The following TULP3 variants were observed in gnomAD, a reference collection of about 807,000 sequenced individuals.
The protein encoded by TULP3 is TUB like protein 3.
In TULP3, 38 loss-of-function variants were observed where a neutral mutation model predicts 50.7. The observed-to-expected ratio is 0.75, with a 90% CI of 0.58 to 0.98. TULP3 has a LOEUF of 0.98. TULP3 is among the 50% of genes least tolerant of loss of function. TULP3 has a pLI of 0.00. For synonymous variants in TULP3, 183 were observed against 196.6 expected (o/e 0.93, Z 0.58); for missense variants, 550 against 568.0 (o/e 0.97, Z 0.32).
Position 2,939,857 on chromosome 12 carries a change from G to T in TULP3, c.*413G>T. 8.3e-7 allele frequency: 1 copy of T among 1,201,538 alleles called. No individual in the cohort carries two copies. Among genetic ancestry groups the T allele is most frequent in the South Asian group, 1.5e-5 (1 of 65,796 alleles). 74.4% of individuals were successfully genotyped at this position (1,201,538 alleles called of 1,614,324 possible). On this transcript the variant is annotated 3_prime_UTR_variant, in exon 11 of 11. Coordinates refer to ENST00000448120, the MANE Select transcript of TULP3 (RefSeq NM_003324.5). The surrounding 1 kb of genome is among the most constrained non-coding windows in gnomAD (Gnocchi z 4.0). ...TCCTTTTCCAGGTTTCATAGACTTG[G>T]TGAGGGATCACAGCTTAGCATGGGT...
intron 2 of TULP3, among the ~76,000 whole-genome samples, chr12:2,920,312 C>A (rs2098190906): frequency 6.6e-6 from 1 of 152,162 alleles, no homozygotes; most frequent in Middle Eastern, 3.2e-3. Flanking sequence ...GAGTTTGAGA[C>A]CAGCCTGGGC....
Position 2,931,146 on chromosome 12 carries a change from C to A in TULP3, c.602C>A (p.Thr201Lys). The change falls in exon 6 of 11, where the codon ACA becomes AAA. Residue 201 changes from threonine to lysine, a missense_variant. Physicochemically the swap from Thr to Lys is moderately conservative, Grantham distance 78. Transcript: ENST00000448120. Reference sequence around the variant, plus strand: ...TATAGTCCTGCCCCTCAAGGTGTCACAGTAAGATGTCGGATAATCCGGGAT... The same window carrying A: ...TATAGTCCTGCCCCTCAAGGTGTCAAAGTAAGATGTCGGATAATCCGGGAT... ...FVYSPAPQGV[T>K]VRCRIIRDKR... 1 of 1,614,164 alleles carries A rather than the reference C, an allele frequency of 6.2e-7. No individual in the cohort carries two copies. The highest frequency in any genetic ancestry group is 1.1e-5 in the South Asian group (1 of 91,090).
intron 8 of TULP3, among the ~76,000 whole-genome samples, chr12:2,935,336 T>C (rs1000806563): frequency 6.6e-6 from 1 of 152,254 alleles, no homozygotes; most frequent in Non-Finnish European, 1.5e-5. Flanking sequence ...CCACTAGATG[T>C]GGTTGACATT....
intron 3 of TULP3, among the ~76,000 whole-genome samples, chr12:2,921,559 C>A (rs1261926897): frequency 1.3e-5 from 2 of 152,030 alleles, no homozygotes; most frequent in African/African-American, 2.4e-5. Context: ...AGAGAGCGTC[C>A]ATTCTTCCAA....
chr12:2,893,953 A>T (rs368017605), intron 1 of TULP3, among the ~76,000 whole-genome samples: 90 of 152,080 alleles, frequency 5.9e-4, no homozygotes, highest in Middle Eastern at 6.8e-3. Context: ...CTATTTTCTT[A>T]TATCAGAAAT....
intron 1 of TULP3, among the ~76,000 whole-genome samples, chr12:2,899,461 T>C (rs2098177592): frequency 6.6e-6 from 1 of 151,866 alleles, no homozygotes; most frequent in East Asian, 1.9e-4. Context: ...TGCTAAATCA[T>C]AAAAGTATTT....
chr12:2,907,063 T>G (rs972767732), intron 1 of TULP3, among the ~76,000 whole-genome samples: 1 of 151,050 alleles, frequency 6.6e-6, no homozygotes, highest in African/African-American at 2.4e-5. Context: ...CACGGCCAGG[T>G]GCAGTGGCTC....
At chr12:2,937,994 G>T in intron 9 of TULP3, 120 bp from the exon 10 acceptor site, 1 of 1,134,304 alleles carries the variant, frequency 8.8e-7, no homozygotes. Flanking sequence ...TTCATTGTTG[G>T]CTTTCATTCT....
intron 6 of TULP3, among the ~76,000 whole-genome samples, chr12:2,932,883 C>T (rs1233021280): frequency 6.6e-6 from 1 of 151,854 alleles, no homozygotes; most frequent in East Asian, 1.9e-4. Flanking sequence ...GAGAATCAAG[C>T]TAGTGAATTT....
At position 2,939,420 on chromosome 12, in the gene TULP3, T is replaced by C; in HGVS notation, c.1305T>C (p.Phe435=). The C allele has an allele frequency of 6.2e-7, 1 of 1,614,134 alleles. No individual in the cohort carries two copies. The highest frequency in any genetic ancestry group is 8.5e-7 in the Non-Finnish European group (1 of 1,180,030). ...CCTTTGGCATCGGTCTTTCTAGCTT[T>C]GACAGTAAGCTGGCGTGTGAATGAG... The part of the protein sequence containing the change: ...VQAFGIGLSS[F]DSKLACE The change falls in exon 11 of 11, where the codon TTT becomes TTC. Residue 435 remains phenylalanine, a synonymous_variant. Transcript: ENST00000448120. The surrounding 1 kb of genome is among the most constrained non-coding windows in gnomAD (Gnocchi z 4.0).
chr12:2,937,776 A>G, intron 9 of TULP3, 47 bp downstream of exon 9: 1 of 1,343,110 alleles, frequency 7.4e-7, no homozygotes, highest in South Asian at 1.3e-5. Flanking sequence ...AAAAGACAGT[A>G]GTACAATACA....
At chr12:2,915,579 G>T (rs10848741) in intron 2 of TULP3, among the ~76,000 whole-genome samples, 33,717 of 148,418 alleles carry the variant, frequency 0.23, 3,912 homozygotes, top group East Asian at 0.36. Context: ...TCGTTCTGTC[G>T]CCAGGCTGGA....
intron 2 of TULP3, among the ~76,000 whole-genome samples, chr12:2,912,630 G>C (rs2098186289): frequency 6.6e-6 from 1 of 152,196 alleles, no homozygotes; most frequent in Non-Finnish European, 1.5e-5. Flanking sequence ...GTCTCCCGAG[G>C]ATTGGTTTGT....
chr12:2,900,585 A>T (rs771690858), intron 1 of TULP3, among the ~76,000 whole-genome samples: 188 of 142,188 alleles, frequency 1.3e-3, no homozygotes, highest in South Asian at 3.4e-3. Flanking sequence ...ACTCAAAAAC[A>T]TCTGTTTTGA....
chr12:2,931,303 T>C lies in TULP3; in HGVS notation c.696+63T>C, dbSNP rs2098197928. On this transcript the variant is annotated intron_variant, in intron 6 of 10. Transcript: ENST00000448120. ...AGAAGAATGTTGTGGGAATAGATTGTTGATGGGCCTTAGGGAACTAACTCT... is the reference window on the plus strand; with the variant it reads ...AGAAGAATGTTGTGGGAATAGATTGCTGATGGGCCTTAGGGAACTAACTCT... 2.6e-6 allele frequency: 4 copies of C among 1,527,202 alleles called. No homozygotes were observed. In the South Asian group the frequency reaches 3.6e-5, roughly 14 times the overall value. 94.6% of individuals were successfully genotyped at this position (1,527,202 alleles called of 1,614,324 possible). A position where few individuals can be genotyped will look rare whatever the true frequency, so the allele number is the denominator to read the frequency against.
At chr12:2,898,439 A>G (rs2098176852) in intron 1 of TULP3, among the ~76,000 whole-genome samples, 1 of 152,082 alleles carries the variant, frequency 6.6e-6, no homozygotes, top group Non-Finnish European at 1.5e-5. Context: ...AGCGGGGACT[A>G]TAGGCATGCA....
chr12:2,916,644 T>A (rs2098188853), intron 2 of TULP3, among the ~76,000 whole-genome samples: 1 of 152,202 alleles, frequency 6.6e-6, no homozygotes, highest in Admixed American at 6.5e-5. Context: ...TAGCCTCGTT[T>A]AAAGCACTTT....
At chr12:2,924,441 G>C (rs374562933) in intron 4 of TULP3, among the ~76,000 whole-genome samples, 1 of 152,122 alleles carries the variant, frequency 6.6e-6, no homozygotes, top group African/African-American at 2.4e-5. Flanking sequence ...ACTTTAAGAG[G>C]CTGAGGTGGG....
chr12:2,932,763 A>G (rs1299922407), intron 6 of TULP3, among the ~76,000 whole-genome samples: 1 of 151,496 alleles, frequency 6.6e-6, no homozygotes, highest in Non-Finnish European at 1.5e-5. Flanking sequence ...TGATCCCTCT[A>G]CCTCAGCCTC....
Sources: gnomAD v4.1 joint callset for allele counts (sites outside exome capture counted in the v4.1 genomes callset) on GRCh38, gnomAD v4.1.1 for gene constraint, Gnocchi (gnomAD v3.1) non-coding constraint, MANE v1.5 for transcripts, NCBI Gene and HGNC (gene_info 2026-07-23, HGNC 2026-07-21) for gene names.